SPAG6: variants seen among roughly 807,000 people sequenced by gnomAD.
SPAG6 encodes the protein sperm associated antigen 6, also known as sperm-associated antigen 6.
A neutral mutation model predicts 58.5 loss-of-function variants in SPAG6; 49 were observed. The ratio of observed to expected loss-of-function variants is 0.84; its 90% CI spans 0.67 to 1.06. The LOEUF (loss-of-function observed/expected upper bound fraction) is 1.06. Among genes scored for constraint, SPAG6 ranks in the 50% least tolerant of loss-of-function variants. SPAG6 has a pLI of 0.00. For missense variants in SPAG6, 560 were observed against 611.3 expected, an observed-to-expected ratio of 0.92 and a Z score of 0.89; for synonymous variants, 233 against 225.6, an observed-to-expected ratio of 1.03 and a Z score of -0.29.
chr10:22,411,840 C>CTTTTTTTTTTTTTTTT (rs546172800), intron 10 of SPAG6, among the ~76,000 whole-genome samples: 5 of 66,790 alleles, frequency 7.5e-5, no homozygotes, highest in African/African-American at 2.9e-4. Flanking sequence ...ACAACTGAAT[C>CTTTTTTTTTTTTTTTT]TTTTTTTTTT....
chr10:22,376,454 T>C (rs954546393), intron 4 of SPAG6, among the ~76,000 whole-genome samples: 2 of 152,234 alleles, frequency 1.3e-5, no homozygotes, highest in Non-Finnish European at 2.9e-5. Flanking sequence ...ATGTAGATAA[T>C]ATTTCTATTG....
intron 10 of SPAG6, among the ~76,000 whole-genome samples, chr10:22,413,687 T>TTATATATATATATATATATATATATA: frequency 7.7e-6 from 1 of 130,174 alleles, no homozygotes; most frequent in African/African-American, 4.4e-5. Context: ...TTCAAATTTC[T>TTATATATATATATATATATATATATA]GATATATATA....
At chr10:22,385,765 G>A (rs1207922544) in intron 4 of SPAG6, among the ~76,000 whole-genome samples, 1 of 152,172 alleles carries the variant, frequency 6.6e-6, no homozygotes, top group Non-Finnish European at 1.5e-5. Flanking sequence ...GACTTTAAGT[G>A]ATATGCTAAA....
Position 22,411,840 on chromosome 10 carries a change from C to CTTTTTTTT in SPAG6, c.1460+683_1460+690dup, listed in dbSNP as rs546172800. Among the ~76,000 whole-genome samples, 116 of 66,790 alleles carry CTTTTTTTT rather than the reference C, an allele frequency of 1.7e-3. 7 individuals are homozygous for CTTTTTTTT. The highest frequency in any genetic ancestry group is 6.2e-3 in the African/African-American group (107 of 17,144). 43.8% of individuals were successfully genotyped at this position (66,790 alleles called of 152,430 possible). On this transcript the variant is annotated intron_variant, in intron 10 of 10. Transcript: ENST00000376624. ...AAGAGAATGATTTAAACAACTGAAT[C>CTTTTTTTT]TTTTTTTTTTTTTTTTTTTTTTTTT...
intron 10 of SPAG6, among the ~76,000 whole-genome samples, chr10:22,413,347 C>T (rs138912201): frequency 2.6e-5 from 4 of 152,074 alleles, no homozygotes; most frequent in African/African-American, 9.6e-5. Flanking sequence ...TCCTGGCTAA[C>T]ACGGTGAAAC....
chr10:22,393,785 T>A (rs1834232930), intron 8 of SPAG6, among the ~76,000 whole-genome samples: 1 of 152,206 alleles, frequency 6.6e-6, no homozygotes. Context: ...CAGTTGTTAT[T>A]TTAAAGGGTG....
chr10:22,351,008 A>G (rs1261857715), intron 2 of SPAG6, among the ~76,000 whole-genome samples: 1 of 152,212 alleles, frequency 6.6e-6, no homozygotes, highest in Non-Finnish European at 1.5e-5. Flanking sequence ...TGCTCTTTCT[A>G]CTTTAACTTG....
chr10:22,415,852 C>A (rs976904343), intron 10 of SPAG6, among the ~76,000 whole-genome samples: 6 of 151,994 alleles, frequency 3.9e-5, no homozygotes, highest in African/African-American at 1.2e-4. Flanking sequence ...TCTAGAATGC[C>A]TGCTAAATTT....
At chr10:22,386,705 C>G (rs764873640) in intron 4 of SPAG6, 49 bp from the exon 5 acceptor site, 2 of 1,472,234 alleles carry the variant, frequency 1.4e-6, no homozygotes, top group Admixed American at 3.4e-5. Context: ...ATGGCTTGCA[C>G]AAGGGTCAGT....
At chr10:22,379,097 G>C (rs996860572) in intron 4 of SPAG6, among the ~76,000 whole-genome samples, 1 of 152,208 alleles carries the variant, frequency 6.6e-6, no homozygotes. Context: ...TGACATTTGT[G>C]TGTGTGTGAG....
intron 2 of SPAG6, among the ~76,000 whole-genome samples, chr10:22,356,894 T>G (rs564391774): frequency 6.6e-6 from 1 of 152,334 alleles, no homozygotes; most frequent in South Asian, 2.1e-4. Flanking sequence ...GTGACTTTGA[T>G]CCTGTCACTG....
At position 22,411,276 on chromosome 10, in the gene SPAG6, A is replaced by G. The variant is rs1274599371; in HGVS notation, c.1460+100A>G. 3 of 999,312 alleles carry G rather than the reference A, an allele frequency of 3.0e-6. No individual in the cohort carries two copies. The African/African-American group carries it at 4.9e-5, about 16-fold the overall frequency. The allele number at this position is 999,312 out of a possible 1,614,324, so 61.9% of individuals were successfully genotyped here. The stretch of plus-strand genomic sequence containing the variant: ...ACTGTGTCAAAATGTGGACTTTGAA[A>G]TACGATGTGAGGCCAATATGTACCT... On this transcript the variant is annotated intron_variant, in intron 10 of 10. Transcript: ENST00000376624.
intron 9 of SPAG6, among the ~76,000 whole-genome samples, chr10:22,408,243 G>GT (rs1834613008): frequency 7.2e-6 from 1 of 138,244 alleles, no homozygotes; most frequent in South Asian, 2.3e-4. Context: ...TTTCTGTTCT[G>GT]TTTTTTCCCC....
chr10:22,377,143 C>T (rs575148266), intron 4 of SPAG6, among the ~76,000 whole-genome samples: 2 of 152,092 alleles, frequency 1.3e-5, no homozygotes, highest in African/African-American at 4.8e-5. Context: ...GAAGCTGTTA[C>T]GTGGACACTT....
At chr10:22,391,038 A>G (rs1834172432) in intron 7 of SPAG6, among the ~76,000 whole-genome samples, 2 of 152,192 alleles carry the variant, frequency 1.3e-5, no homozygotes, top group South Asian at 4.1e-4. Flanking sequence ...TACAAAATGT[A>G]ATGTATTTGA....
chr10:22,409,983 G>A (rs1834689166), intron 9 of SPAG6, among the ~76,000 whole-genome samples: 1 of 152,046 alleles, frequency 6.6e-6, no homozygotes, highest in Non-Finnish European at 1.5e-5. Flanking sequence ...CCTTACTTGG[G>A]ACACTTTCCT....
At chr10:22,410,337 TA>T (rs1210457261) in intron 9 of SPAG6, among the ~76,000 whole-genome samples, 1 of 152,148 alleles carries the variant, frequency 6.6e-6, no homozygotes, top group Middle Eastern at 3.2e-3. Flanking sequence ...AATGGATAAT[TA>T]AAAATTAAAA....
chr10:22,353,910 A>G (rs1026198368), intron 2 of SPAG6, among the ~76,000 whole-genome samples: 11 of 152,244 alleles, frequency 7.2e-5, no homozygotes, highest in Non-Finnish European at 1.5e-5. Flanking sequence ...AGGGAACGTT[A>G]TGTGTAAAGG....
chr10:22,405,113 C>T (rs1834518133), intron 9 of SPAG6, among the ~76,000 whole-genome samples: 2 of 152,160 alleles, frequency 1.3e-5, no homozygotes, highest in African/African-American at 2.4e-5. Flanking sequence ...CTTTTCCTAA[C>T]TGAATACCCT....
Sources: allele counts gnomAD v4.1 joint callset (sites outside exome capture counted in the v4.1 genomes callset), GRCh38; gene constraint gnomAD v4.1.1; transcripts MANE v1.5; gene names NCBI Gene and HGNC (gene_info 2026-07-23, HGNC 2026-07-21).